ZNF385D: variants seen among roughly 807,000 people sequenced by gnomAD.
ZNF385D encodes the protein zinc finger protein 659.
Under a neutral mutation model 35.8 loss-of-function variants are expected in ZNF385D, and 15 were observed. The ratio of observed to expected loss-of-function variants is 0.42; its 90% confidence interval spans 0.28 to 0.64. The LOEUF is 0.64. Ranked by LOEUF, ZNF385D falls within the 30% of genes least tolerant of loss-of-function variation. The pLI is 0.23. For missense variants in ZNF385D, 474 were observed against 494.6 expected, an observed-to-expected ratio of 0.96 and a Z score of 0.39; for synonymous variants, 212 against 186.8, an observed-to-expected ratio of 1.13 and a Z score of -1.10.
chr3:21,417,702 CT>C lies in ZNF385D; in HGVS notation c.*3511del, dbSNP rs1202088445. On this transcript the variant is annotated 3_prime_UTR_variant, in exon 8 of 8. Transcript: ENST00000281523. Reference sequence around the variant, plus strand: ...CCTCTTTGATTCTATTTTGAAACTTCTGCTGTCTTTTAATTCTTAGTCTTTT... The same window carrying C: ...CCTCTTTGATTCTATTTTGAAACTTCGCTGTCTTTTAATTCTTAGTCTTTT... 1 of 152,070 alleles carries C rather than the reference CT, an allele frequency of 6.6e-6. No homozygotes were observed. Among genetic ancestry groups the C allele is most frequent in the Non-Finnish European group, 1.5e-5 (1 of 67,974 alleles). 9.4% of individuals were successfully genotyped at this position (152,070 alleles called of 1,614,324 possible).
intron 2 of ZNF385D, among the ~76,000 whole-genome samples, chr3:22,218,111 C>G (rs879354328): frequency 2.0e-5 from 3 of 152,074 alleles, no homozygotes; most frequent in Non-Finnish European, 2.9e-5. Flanking sequence ...AATCATTCAA[C>G]AAGACTGTAA....
chr3:21,647,800 G>A (rs1342589169), intron 2 of ZNF385D, among the ~76,000 whole-genome samples: 1 of 152,034 alleles, frequency 6.6e-6, no homozygotes, highest in African/African-American at 2.4e-5. Context: ...GATTTTATGT[G>A]CTATAATATT....
intron 3 of ZNF385D, among the ~76,000 whole-genome samples, chr3:21,923,193 C>A (rs545963051): frequency 6.6e-6 from 1 of 152,006 alleles, no homozygotes; most frequent in African/African-American, 2.4e-5. Flanking sequence ...ATCCCCCCAC[C>A]CCACAACAGG....
intron 2 of ZNF385D, among the ~76,000 whole-genome samples, chr3:22,225,750 C>A (rs1359308724): frequency 6.6e-6 from 1 of 152,180 alleles, no homozygotes; most frequent in Non-Finnish European, 1.5e-5. Context: ...AGGTCTTATT[C>A]TAAGCAAACC....
chr3:21,650,142 G>T (rs577751066), intron 2 of ZNF385D, among the ~76,000 whole-genome samples: 1 of 152,106 alleles, frequency 6.6e-6, no homozygotes, highest in East Asian at 1.9e-4. Context: ...AAAAACTGAA[G>T]ATATGGAAAA....
At chr3:21,432,929 A>T (rs1367639099) in intron 5 of ZNF385D, among the ~76,000 whole-genome samples, 1 of 152,142 alleles carries the variant, frequency 6.6e-6, no homozygotes, top group Admixed American at 6.6e-5. Flanking sequence ...AAAGAACACA[A>T]TTGATCCCCA....
chr3:22,158,679 TAC>T (rs141782698), intron 3 of ZNF385D, among the ~76,000 whole-genome samples: 5 of 149,858 alleles, frequency 3.3e-5, no homozygotes, highest in Non-Finnish European at 5.9e-5. Flanking sequence ...CACACACACA[TAC>T]ACACACACAC....
chr3:22,094,318 G>A (rs1701484741), intron 3 of ZNF385D, among the ~76,000 whole-genome samples: 1 of 112,464 alleles, frequency 8.9e-6, no homozygotes, highest in South Asian at 3.2e-4. Flanking sequence ...TTATTCTTAA[G>A]TTGTACCCTT....
At chr3:22,039,632 A>G (rs1339683968) in intron 3 of ZNF385D, among the ~76,000 whole-genome samples, 1 of 152,114 alleles carries the variant, frequency 6.6e-6, no homozygotes, top group African/African-American at 2.4e-5. Flanking sequence ...CATTCAACCT[A>G]ATACATAATA....
intron 3 of ZNF385D, among the ~76,000 whole-genome samples, chr3:21,801,585 C>A (rs576014978): frequency 1.3e-4 from 20 of 152,140 alleles, no homozygotes; most frequent in African/African-American, 4.3e-4. Context: ...TCTCTCTGGC[C>A]AAAACGTTCA....
At chr3:22,097,761 C>A (rs975429025) in intron 3 of ZNF385D, among the ~76,000 whole-genome samples, 1 of 151,948 alleles carries the variant, frequency 6.6e-6, no homozygotes, top group African/African-American at 2.4e-5. Flanking sequence ...CAGAAAGTGT[C>A]CCCTGTGACA....
chr3:21,861,648 G>T (rs1697059576), intron 3 of ZNF385D, among the ~76,000 whole-genome samples: 1 of 152,130 alleles, frequency 6.6e-6, no homozygotes, highest in African/African-American at 2.4e-5. Flanking sequence ...AATAGCCATA[G>T]GTGGATGTGG....
At chr3:21,917,546 T>C (rs1007477203) in intron 3 of ZNF385D, among the ~76,000 whole-genome samples, 5 of 152,218 alleles carry the variant, frequency 3.3e-5, no homozygotes, top group African/African-American at 7.2e-5. Context: ...TGGTCTCATA[T>C]GCTATGACAT....
Position 22,064,345 on chromosome 3 carries a change from T to A in ZNF385D, c.325+104472A>T, listed in dbSNP as rs188785564. On this transcript the variant is annotated intron_variant, in intron 3 of 5. Coordinates refer to the ZNF385D transcript ENST00000494108. Reference sequence around the variant, plus strand: ...GCAGAGATTTTTGTGATAATTTGCATGGTGATTTTGGGACAACTTCAAAAA... The same window carrying A: ...GCAGAGATTTTTGTGATAATTTGCAAGGTGATTTTGGGACAACTTCAAAAA... Among the ~76,000 whole-genome samples the A allele has an allele frequency of 1.2e-4, 19 of 152,290 alleles. No individual in the cohort carries two copies. In the East Asian group the frequency reaches 3.5e-3, roughly 28 times the overall value.
chr3:21,803,791 A>C (rs1575678006), intron 3 of ZNF385D, among the ~76,000 whole-genome samples: 1 of 152,190 alleles, frequency 6.6e-6, no homozygotes, highest in East Asian at 1.9e-4. Flanking sequence ...TATAATTTTC[A>C]AGGAACCATT....
intron 2 of ZNF385D, among the ~76,000 whole-genome samples, chr3:21,604,651 G>A (rs1024150641): frequency 2.6e-5 from 4 of 152,128 alleles, no homozygotes; most frequent in Admixed American, 6.5e-5. Flanking sequence ...TGAGAATAGC[G>A]GTTCTGGTGA....
chr3:21,634,702 G>A (rs1036056806), intron 2 of ZNF385D, among the ~76,000 whole-genome samples: 4 of 151,722 alleles, frequency 2.6e-5, no homozygotes, highest in Non-Finnish European at 5.9e-5. Context: ...TGTCTGTTTT[G>A]TTATTGTTAT....
intron 3 of ZNF385D, among the ~76,000 whole-genome samples, chr3:21,800,243 A>T (rs1007081408): frequency 6.6e-6 from 1 of 152,184 alleles, no homozygotes; most frequent in African/African-American, 2.4e-5. Flanking sequence ...ACAATTTCAC[A>T]TAAATTATAA....
At position 21,600,977 on chromosome 3, in the gene ZNF385D, A is replaced by T. The variant is rs190451215; in HGVS notation, c.166-36293T>A. Among the ~76,000 whole-genome samples, 498 of 152,256 alleles carry T rather than the reference A, an allele frequency of 3.3e-3. 1 individual carries two copies. Among genetic ancestry groups the T allele is most frequent in the Admixed American group, 5.4e-3 (82 of 15,298 alleles). ...TTAATGAAAATTCAAGAAAAAAAAA[A>T]TCCTGACAAAATTTGCATGGAAAGT... On this transcript the variant is annotated intron_variant, in intron 2 of 7. Transcript: ENST00000281523.
Sources: allele counts gnomAD v4.1 joint callset (sites outside exome capture counted in the v4.1 genomes callset), GRCh38; gene constraint gnomAD v4.1.1; transcripts MANE v1.5; gene names NCBI Gene and HGNC (gene_info 2026-07-23, HGNC 2026-07-21).